DLG3: variants seen among roughly 807,000 people sequenced by gnomAD.
DLG3 encodes the protein discs large MAGUK scaffold protein 3.
DLG3 carries 1 observed loss-of-function variant against 64.1 expected under a neutral mutation model. That is an observed-to-expected ratio of 0.02 (90% CI 0.01 to 0.07). The LOEUF is 0.07. Ranked by LOEUF, DLG3 falls within the 10% of genes least tolerant of loss-of-function variation. The probability of loss-of-function intolerance (pLI) is 1.00; values close to 1 mark genes in which losing one functional copy is unlikely to be tolerated. For synonymous variants in DLG3, 245 were observed against 259.8 expected (o/e 0.94, Z 0.55); for missense variants, 429 against 669.5 (o/e 0.64, Z 3.96).
At chrX:70,499,090 G>A in intron 14 of DLG3, 86 bp from the exon 15 acceptor site, 3 of 648,624 alleles carry the variant, frequency 4.6e-6, no homozygotes, top group Non-Finnish European at 7.6e-6. Flanking sequence ...CTGCTCCAGA[G>A]CCTCTGTGTT....
chrX:70,456,426 T>C (rs1240811405), intron 9 of DLG3, among the ~76,000 whole-genome samples: 1 of 112,199 alleles, frequency 8.9e-6, no homozygotes, highest in Non-Finnish European at 1.9e-5. Context: ...ATACTGTGAA[T>C]TGTGTGTGGT....
chrX:70,467,723 T>C (rs1229280632), intron 9 of DLG3, among the ~76,000 whole-genome samples: 1 of 112,389 alleles, frequency 8.9e-6, no homozygotes, highest in Non-Finnish European at 1.9e-5. Context: ...TGGAAAAGAT[T>C]CTTCTTATCA....
At chrX:70,451,696 G>T (rs1351087497) in intron 6 of DLG3, among the ~76,000 whole-genome samples, 171 bp from the exon 7 acceptor site, 2 of 111,736 alleles carry the variant, frequency 1.8e-5, no homozygotes, top group Non-Finnish European at 3.8e-5. Flanking sequence ...AGGGACTGCG[G>T]AGGAGGAACC....
At chrX:70,474,922 G>T (rs777210886) in intron 9 of DLG3, among the ~76,000 whole-genome samples, 1 of 112,172 alleles carries the variant, frequency 8.9e-6, no homozygotes, top group South Asian at 3.7e-4. Context: ...TAGTCAGAAA[G>T]GTTTCAGGAT....
chrX:70,450,115 A>G, intron 4 of DLG3, 54 bp from the exon 5 acceptor site: 3 of 1,199,928 alleles, frequency 2.5e-6, no homozygotes, highest in South Asian at 1.8e-5. Flanking sequence ...GGGATCGACA[A>G]CACTTTAACC....
At chrX:70,452,807 T>C in intron 7 of DLG3, 2 of 1,055,964 alleles carry the variant, frequency 1.9e-6, no homozygotes, top group Non-Finnish European at 2.5e-6. Context: ...GGAGGGAGTC[T>C]CGCCCCTGAG....
At chrX:70,501,484 C>T (rs752440627) in intron 18 of DLG3, among the ~76,000 whole-genome samples, 1 of 106,248 alleles carries the variant, frequency 9.4e-6, no homozygotes, top group Non-Finnish European at 1.9e-5. Context: ...CTATGTAATA[C>T]GTTCTTCACC....
At chrX:70,493,401 G>A in intron 12 of DLG3, 2 of 1,208,838 alleles carry the variant, frequency 1.7e-6, no homozygotes, top group Non-Finnish European at 2.2e-6. Flanking sequence ...CGTAAAAAGA[G>A]TTTCCGCCTC....
At chrX:70,500,858 A>C in intron 17 of DLG3, 40 bp from the exon 18 acceptor site, 3 of 1,095,921 alleles carry the variant, frequency 2.7e-6, no homozygotes, top group Non-Finnish European at 3.7e-6. Context: ...ATCAGAACAT[A>C]AGATCTGGTT....
chrX:70,504,380 G>T lies in DLG3; in HGVS notation c.*2111G>T, dbSNP rs1445571290. 1 of 112,638 alleles carries T rather than the reference G, an allele frequency of 8.9e-6. No individual in the cohort carries two copies. The highest frequency in any genetic ancestry group is 1.9e-5 in the Non-Finnish European group (1 of 53,243). The allele number at this position is 112,638 out of a possible 1,213,427, so 9.3% of individuals were successfully genotyped here. A position where few individuals can be genotyped will look rare whatever the true frequency, so the allele number is the denominator to read the frequency against. ...TAGTTGCAATGAACTGTGGCTCAGA[G>T]ACCTTCTTAAAGTAGTTGAGAAGGG... On this transcript the variant is annotated 3_prime_UTR_variant, in exon 19 of 19. Coordinates refer to ENST00000374360, the MANE Select transcript of DLG3 (RefSeq NM_021120.4).
intron 10 of DLG3, among the ~76,000 whole-genome samples, chrX:70,481,806 C>T (rs1248172125): frequency 8.9e-6 from 1 of 111,889 alleles, no homozygotes; most frequent in Non-Finnish European, 1.9e-5. Flanking sequence ...CCATGAATTA[C>T]CTGCTTTCTT....
chrX:70,456,957 A>G (rs1042796556), intron 9 of DLG3, among the ~76,000 whole-genome samples: 3 of 112,031 alleles, frequency 2.7e-5, no homozygotes, highest in African/African-American at 6.5e-5. Flanking sequence ...ATCCAAATAC[A>G]TGTATGTTGG....
intron 10 of DLG3, among the ~76,000 whole-genome samples, chrX:70,488,607 T>C (rs2087300645): frequency 8.9e-6 from 1 of 112,144 alleles, no homozygotes; most frequent in African/African-American, 3.2e-5. Flanking sequence ...ATGATTAGCC[T>C]GGTAGAGAAG....
chrX:70,489,744 C>T (rs1043514235), intron 10 of DLG3, among the ~76,000 whole-genome samples: 3 of 112,380 alleles, frequency 2.7e-5, no homozygotes, highest in Non-Finnish European at 5.6e-5. Context: ...TGCCAAAGGT[C>T]AAGCATGGTT....
At chrX:70,449,921 C>A in intron 4 of DLG3, 62 bp downstream of exon 4, 1 of 1,138,230 alleles carries the variant, frequency 8.8e-7, no homozygotes, top group African/African-American at 1.8e-5. Flanking sequence ...CCATCTTGCC[C>A]CATAGGGAAT....
rs1278316742 is a variant in DLG3, at chrX:70,492,539, A to G, written c.1716A>G (p.Arg572=). 1 of 1,209,589 alleles carries G rather than the reference A, an allele frequency of 8.3e-7. No individual in the cohort carries two copies. The highest frequency in any genetic ancestry group is 3.0e-5 in the East Asian group (1 of 33,785). Residue 572 remains arginine (R), a synonymous_variant, in exon 12 of 19, where the codon AGA becomes AGG. Transcript: ENST00000374360. The stretch of plus-strand genomic sequence containing the variant: ...AAAACAGGGTGGAAAAGAAAGAAAG[A>G]GCTCGATTGAAAACTGTGAAGTTCC... ...PSKKRVEKKE[R]ARLKTVKFHA...
intron 9 of DLG3, chrX:70,455,788 G>A (rs771574415): frequency 8.9e-6 from 1 of 111,753 alleles, no homozygotes; most frequent in East Asian, 2.8e-4. Flanking sequence ...GTCCCCTAGG[G>A]CTGCAGCGCC....
chrX:70,460,056 G>A (rs2086775547), intron 9 of DLG3, among the ~76,000 whole-genome samples: 1 of 110,833 alleles, frequency 9.0e-6, no homozygotes, highest in African/African-American at 3.3e-5. Context: ...AGGCCAAGGT[G>A]GGTGGATCAC....
intron 9 of DLG3, among the ~76,000 whole-genome samples, chrX:70,456,977 G>T (rs966970562): frequency 8.9e-6 from 1 of 112,079 alleles, no homozygotes; most frequent in Admixed American, 9.4e-5. Flanking sequence ...GTTGGCAAGA[G>T]ACCTTGCATG....
Sources: allele counts gnomAD v4.1 joint callset (sites outside exome capture counted in the v4.1 genomes callset), GRCh38; gene constraint gnomAD v4.1.1; transcripts MANE v1.5; gene names NCBI Gene and HGNC (gene_info 2026-07-23, HGNC 2026-07-21).